The following CMBL variants were observed in gnomAD, a reference collection of about 807,000 sequenced individuals.
The protein encoded by CMBL is carboxymethylenebutenolidase homolog, also known as carboxymethylenebutenolidase homolog (Pseudomonas).
In CMBL, 17 loss-of-function variants were observed where a neutral mutation model predicts 28.7. That is an observed-to-expected ratio of 0.59 (90% CI 0.41 to 0.89). The LOEUF (loss-of-function observed/expected upper bound fraction) is 0.89, where lower values mean the gene tolerates loss of function less well. Among genes scored for constraint, CMBL ranks in the 40% least tolerant of loss-of-function variants. CMBL has a pLI of 0.00. For synonymous variants in CMBL, 106 were observed against 101.6 expected, an observed-to-expected ratio of 1.04 and a Z score of -0.26; for missense variants, 310 against 298.5, an observed-to-expected ratio of 1.04 and a Z score of -0.28.
chr5:10,282,285 A>G lies in CMBL; in HGVS notation c.470T>C (p.Ile157Thr). ...GTAAATGTCTTCAGAATCCTTGACA[A>G]TGCCTGAAAAACAAGCACAGAGGCA... The part of the protein sequence containing the change: ...EFRAGVSVYG[I>T]VKDSEDIYNL... The change falls in exon 5 of 6, where the codon ATT becomes ACT. Residue 157 changes from isoleucine to threonine, a missense_variant. Coordinates refer to ENST00000296658, the MANE Select transcript of CMBL (RefSeq NM_138809.4). The G allele has an allele frequency of 6.3e-7, 1 of 1,586,030 alleles. No individual in the cohort carries two copies. Among genetic ancestry groups the G allele is most frequent in the Non-Finnish European group, 8.7e-7 (1 of 1,153,972 alleles).
At chr5:10,306,403 G>A (rs989996669) in intron 1 of CMBL, among the ~76,000 whole-genome samples, 1 of 152,128 alleles carries the variant, frequency 6.6e-6, no homozygotes, top group Non-Finnish European at 1.5e-5. Flanking sequence ...GGGAAGAGAG[G>A]TCTGCAAAGT....
chr5:10,296,782 G>C (rs1746817670), intron 1 of CMBL, among the ~76,000 whole-genome samples: 1 of 152,206 alleles, frequency 6.6e-6, no homozygotes, highest in Non-Finnish European at 1.5e-5. Context: ...AACAATGAAT[G>C]CTGAGTGTTG....
rs942395831 is a variant in CMBL at position 10,278,630 on chromosome 5, T to C, written c.*1823A>G. On this transcript the variant is annotated 3_prime_UTR_variant, in exon 6 of 6. Transcript: ENST00000296658. ...TGTGTCCTGAATGGCTCCCCCTTTTTGCTGGCCCTGTGAAGCGTGCTGCCC... is the reference window on the plus strand; with the variant it reads ...TGTGTCCTGAATGGCTCCCCCTTTTCGCTGGCCCTGTGAAGCGTGCTGCCC... 2.6e-5 allele frequency among the ~76,000 whole-genome samples: 4 copies of C among 152,268 alleles called. No individual in the cohort carries two copies. The highest frequency in any genetic ancestry group is 2.1e-4 in the South Asian group (1 of 4,828).
At chr5:10,296,393 G>A (rs1381985541) in intron 1 of CMBL, among the ~76,000 whole-genome samples, 1 of 152,126 alleles carries the variant, frequency 6.6e-6, no homozygotes, top group East Asian at 1.9e-4. Flanking sequence ...CAATTCTCCT[G>A]CCTCAGCCTC....
At chr5:10,301,726 C>T (rs185361754) in intron 1 of CMBL, among the ~76,000 whole-genome samples, 17 of 151,866 alleles carry the variant, frequency 1.1e-4, no homozygotes, top group African/African-American at 3.6e-4. Context: ...CTCAGCCTCC[C>T]AAGTAGCTGG....
chr5:10,292,772 C>T (rs1267960722), intron 1 of CMBL, among the ~76,000 whole-genome samples: 2 of 143,526 alleles, frequency 1.4e-5, no homozygotes, highest in Non-Finnish European at 3.0e-5. Context: ...TGCAGTGAGC[C>T]GAGATTGCGC....
At chr5:10,295,233 G>A (rs761200270) in intron 1 of CMBL, among the ~76,000 whole-genome samples, 7 of 151,988 alleles carry the variant, frequency 4.6e-5, no homozygotes, top group Admixed American at 6.6e-5. Flanking sequence ...ACAGGTGCCC[G>A]CCACCATGCC....
chr5:10,304,084 A>G (rs1746957321), intron 1 of CMBL, among the ~76,000 whole-genome samples: 1 of 152,146 alleles, frequency 6.6e-6, no homozygotes, highest in African/African-American at 2.4e-5. Flanking sequence ...TTCATGGCTG[A>G]GAACAGTGGC....
In CMBL at chr5:10,280,447, T is replaced by C. The variant is rs755769157; in HGVS notation, c.*6A>G. On this transcript the variant is annotated 3_prime_UTR_variant, in exon 6 of 6. Transcript: ENST00000296658. ...CTATTCTAGGAAGGCTTGCCCTTGA[T>C]TCTTGCTACATGTACTTGTTCAGCC... 1.4e-5 allele frequency: 22 copies of C among 1,566,638 alleles called. No individual in the cohort carries two copies. Among genetic ancestry groups the C allele is most frequent in the Non-Finnish European group, 1.9e-5 (22 of 1,146,130 alleles).
At position 10,289,642 on chromosome 5, in the gene CMBL, T is replaced by C. The variant is rs1746668675; in HGVS notation, c.215+906A>G. ...TCAGCACTGCGTCTGGCTGAGCAACTGAAACTAGCTATTTATTTACTTATT... is the reference window on the plus strand; with the variant it reads ...TCAGCACTGCGTCTGGCTGAGCAACCGAAACTAGCTATTTATTTACTTATT... On this transcript the variant is annotated intron_variant, in intron 2 of 5. Transcript: ENST00000296658. This position sits in a 1 kb window ranked among gnomAD's most constrained non-coding sequence, Gnocchi z 4.3. Among the ~76,000 whole-genome samples, 1 of 152,158 alleles carries C rather than the reference T, an allele frequency of 6.6e-6. No individual in the cohort carries two copies. Among genetic ancestry groups the C allele is most frequent in the Non-Finnish European group, 1.5e-5 (1 of 68,022 alleles).
intron 1 of CMBL, among the ~76,000 whole-genome samples, chr5:10,293,401 C>T (rs542682632): frequency 8.6e-4 from 131 of 152,220 alleles, no homozygotes; most frequent in African/African-American, 2.7e-3. Flanking sequence ...TGTGTCCTCA[C>T]GGGGTAGAAG....
intron 1 of CMBL, among the ~76,000 whole-genome samples, chr5:10,299,523 T>G (rs1355882530): frequency 6.6e-6 from 1 of 151,940 alleles, no homozygotes; most frequent in Non-Finnish European, 1.5e-5. Context: ...ATCCCACCAC[T>G]AGATGTTTCC....
In CMBL at chr5:10,286,411, C is replaced by G; in HGVS notation, c.409G>C (p.Ala137Pro). The G allele has an allele frequency of 6.2e-7, 1 of 1,614,088 alleles. No individual in the cohort carries two copies. The highest frequency in any genetic ancestry group is 8.5e-7 in the Non-Finnish European group (1 of 1,179,974). ...TATTTCATCATCAAATGATGGACAG[C>G]AGTTCCACCCCAGCAGAATCCCACG... ...GIVGFCWGGTAVHHLMMKYSE... is the reference protein window; with the variant it reads ...GIVGFCWGGTPVHHLMMKYSE... The change falls in exon 4 of 6, where the codon GCT (alanine) becomes CCT (proline). Residue 137 changes from alanine (A) to proline (P), a missense_variant. Coordinates refer to ENST00000296658, the MANE Select transcript of CMBL (RefSeq NM_138809.4).
intron 4 of CMBL, among the ~76,000 whole-genome samples, chr5:10,285,296 A>G (rs1746578348): frequency 6.6e-6 from 1 of 152,104 alleles, no homozygotes; most frequent in Non-Finnish European, 1.5e-5. Context: ...AGCCTCCTGA[A>G]TATCTGGGAC....
chr5:10,291,888 T>A (rs1746726419), intron 1 of CMBL, among the ~76,000 whole-genome samples: 1 of 151,894 alleles, frequency 6.6e-6, no homozygotes, highest in Non-Finnish European at 1.5e-5. Flanking sequence ...GGAAAACCTA[T>A]ACACAAGGAG....
chr5:10,283,433 G>A (rs1306610149), intron 4 of CMBL, among the ~76,000 whole-genome samples: 1 of 151,988 alleles, frequency 6.6e-6, no homozygotes, highest in Non-Finnish European at 1.5e-5. Context: ...GACCACGAGT[G>A]TGGAAGTGTG....
At chr5:10,300,787 G>A (rs960677826) in intron 1 of CMBL, among the ~76,000 whole-genome samples, 3 of 150,282 alleles carry the variant, frequency 2.0e-5, no homozygotes, top group Non-Finnish European at 4.4e-5. Flanking sequence ...GCAACAAAGA[G>A]AGACATTTTT....
chr5:10,302,959 T>C (rs940370016), intron 1 of CMBL, among the ~76,000 whole-genome samples: 1 of 152,232 alleles, frequency 6.6e-6, no homozygotes, highest in Non-Finnish European at 1.5e-5. Context: ...CTGGCAGCTT[T>C]TAAAGGTCTG....
rs750687273 is a variant in CMBL at position 10,290,696 on chromosome 5, G to C, written c.67C>G (p.Arg23Gly). 59 of 1,614,040 alleles carry C rather than the reference G, an allele frequency of 3.7e-5. No homozygotes were observed. Among genetic ancestry groups the C allele is most frequent in the Non-Finnish European group, 4.8e-5 (57 of 1,180,046 alleles). Residue 23 changes from arginine to glycine, a missense_variant, in exon 2 of 6, where the codon CGT becomes GGT. Coordinates refer to ENST00000296658, the MANE Select transcript of CMBL (RefSeq NM_138809.4). ...TTGATGTGCTCGACTTGAACTTCAC[G>C]GCCTAGCCCTCCATACTCAAGTCTG... ...GHRLEYGGLG[R>G]EVQVEHIKAY...
Sources: allele counts gnomAD v4.1 joint callset (sites outside exome capture counted in the v4.1 genomes callset), GRCh38; gene constraint gnomAD v4.1.1; non-coding constraint Gnocchi (gnomAD v3.1); transcripts MANE v1.5; gene names NCBI Gene and HGNC (gene_info 2026-07-23, HGNC 2026-07-21).